Variants in MARCHF5 observed in about 807,000 individuals in gnomAD.
The protein encoded by MARCHF5 is E3 ubiquitin-protein ligase MARCHF5.
A neutral mutation model predicts 36.5 loss-of-function variants in MARCHF5; 5 were observed. The ratio of observed to expected loss-of-function variants is 0.14; its 90% confidence interval spans 0.07 to 0.29. The LOEUF is 0.29. MARCHF5 is among the 10% of genes least tolerant of loss of function. The pLI is 1.00. For missense variants in MARCHF5, 179 were observed against 336.3 expected (o/e 0.53, Z 3.66); for synonymous variants, 103 against 109.9 (o/e 0.94, Z 0.39).
chr10:92,309,381 A>G (rs916647308), intron 1 of MARCHF5, among the ~76,000 whole-genome samples: 3 of 152,180 alleles, frequency 2.0e-5, no homozygotes, highest in East Asian at 1.9e-4. Context: ...AGTTGGTTCA[A>G]CCTAGTCCTA....
intron 2 of MARCHF5, among the ~76,000 whole-genome samples, chr10:92,327,052 C>T (rs373072917): frequency 1.2e-4 from 18 of 152,206 alleles, no homozygotes; most frequent in African/African-American, 4.3e-4. Context: ...TCTCCCTACA[C>T]TTACACAGAA....
chr10:92,305,266 A>T (rs1406230635), intron 1 of MARCHF5, among the ~76,000 whole-genome samples: 1 of 151,916 alleles, frequency 6.6e-6, no homozygotes, highest in Non-Finnish European at 1.5e-5. Context: ...AATTAGCCAG[A>T]CGTGGTGGCA....
intron 2 of MARCHF5, among the ~76,000 whole-genome samples, chr10:92,325,961 G>A (rs1843352970): frequency 6.6e-6 from 1 of 152,212 alleles, no homozygotes; most frequent in Admixed American, 6.5e-5. Flanking sequence ...TTACAGGCAT[G>A]AGCCACCGTG....
Position 92,349,538 on chromosome 10 carries a change from G to A in MARCHF5, c.553+6G>A, listed in dbSNP as rs778172485. The A allele has an allele frequency of 1.2e-6, 2 of 1,611,128 alleles. No individual in the cohort carries two copies. The highest frequency in any genetic ancestry group is 1.7e-5 in the Admixed American group (1 of 59,598). On this transcript the variant is annotated splice_donor_region_variant and intron_variant, in intron 4 of 5. Coordinates refer to ENST00000358935, the MANE Select transcript of MARCHF5 (RefSeq NM_017824.5). ...TTTAAATAGTATATTTCCAGGTAAG[G>A]CACTGAACTGTGGTTGTAAAGTGCA...
At chr10:92,348,159 G>A (rs1283339760) in intron 3 of MARCHF5, among the ~76,000 whole-genome samples, 3 of 148,268 alleles carry the variant, frequency 2.0e-5, no homozygotes, top group Non-Finnish European at 4.4e-5. Flanking sequence ...CTCCAGCCTG[G>A]GCAACAAGAG....
At position 92,315,190 on chromosome 10, in the gene MARCHF5, G is replaced by A. The variant is rs577551824; in HGVS notation, c.238+3853G>A. 1.4e-4 allele frequency among the ~76,000 whole-genome samples: 22 copies of A among 152,258 alleles called. No individual in the cohort carries two copies. The East Asian group carries it at 3.7e-3, about 25-fold the overall frequency. On this transcript the variant is annotated intron_variant, in intron 2 of 5. Coordinates refer to ENST00000358935, the MANE Select transcript of MARCHF5 (RefSeq NM_017824.5). The stretch of plus-strand genomic sequence containing the variant: ...ATTTCTTGATTAACATGTTACATTC[G>A]TATATACTAAGAGTTGATTCGTACT...
chr10:92,315,211 G>A (rs764439410), intron 2 of MARCHF5, among the ~76,000 whole-genome samples: 4 of 152,228 alleles, frequency 2.6e-5, no homozygotes, highest in South Asian at 4.1e-4. Context: ...GAGTTGATTC[G>A]TACTCTGTAC....
chr10:92,301,727 C>T (rs1843014304), intron 1 of MARCHF5, among the ~76,000 whole-genome samples: 1 of 152,206 alleles, frequency 6.6e-6, no homozygotes, highest in African/African-American at 2.4e-5. Flanking sequence ...CTATGCACAT[C>T]CTCCTGTACA....
At chr10:92,330,505 C>G (rs1356469653) in intron 2 of MARCHF5, among the ~76,000 whole-genome samples, 1 of 152,108 alleles carries the variant, frequency 6.6e-6, no homozygotes, top group Non-Finnish European at 1.5e-5. Context: ...TGCTCCTTGT[C>G]CTGGATCTTT....
intron 2 of MARCHF5, among the ~76,000 whole-genome samples, chr10:92,339,588 T>G (rs1251141079): frequency 6.6e-6 from 1 of 152,028 alleles, no homozygotes; most frequent in Non-Finnish European, 1.5e-5. Context: ...GAAAATTGCT[T>G]GAACCCAAGA....
chr10:92,339,501 C>T (rs1305485623), intron 2 of MARCHF5, among the ~76,000 whole-genome samples: 2 of 152,044 alleles, frequency 1.3e-5, no homozygotes, highest in African/African-American at 4.8e-5. Flanking sequence ...GAAACCCCGT[C>T]TCTACTAAAA....
chr10:92,347,972 C>T (rs906615343), intron 3 of MARCHF5, among the ~76,000 whole-genome samples: 1 of 151,924 alleles, frequency 6.6e-6, no homozygotes, highest in Non-Finnish European at 1.5e-5. Flanking sequence ...CACCTGAGGT[C>T]AGGAGTTCGA....
intron 2 of MARCHF5, among the ~76,000 whole-genome samples, chr10:92,315,913 A>G (rs902998248): frequency 2.0e-5 from 3 of 152,200 alleles, no homozygotes; most frequent in Non-Finnish European, 4.4e-5. Context: ...TGTAACAGCA[A>G]TAAAGAACCT....
chr10:92,327,396 A>G (rs1363366011), intron 2 of MARCHF5, among the ~76,000 whole-genome samples: 1 of 151,350 alleles, frequency 6.6e-6, no homozygotes, highest in Non-Finnish European at 1.5e-5. Context: ...GATTACTTAT[A>G]TAATCAGTCT....
chr10:92,309,477 G>A (rs1347587867), intron 1 of MARCHF5, among the ~76,000 whole-genome samples: 1 of 152,150 alleles, frequency 6.6e-6, no homozygotes, highest in African/African-American at 2.4e-5. Context: ...TGCTGATGTA[G>A]CTATTCTTAT....
At chr10:92,301,326 G>T (rs552173756) in intron 1 of MARCHF5, among the ~76,000 whole-genome samples, 3 of 152,170 alleles carry the variant, frequency 2.0e-5, no homozygotes, top group East Asian at 1.9e-4. Flanking sequence ...AATGAAACAC[G>T]TATTTTTTGT....
chr10:92,313,182 C>A lies in MARCHF5; in HGVS notation c.238+1845C>A, dbSNP rs541570862. Among the ~76,000 whole-genome samples the A allele has an allele frequency of 3.9e-5, 6 of 152,164 alleles. No individual in the cohort carries two copies. In the South Asian group the frequency reaches 1.2e-3, roughly 32 times the overall value. ...CCAGGAGGCAAAGGTTGCAGTGAGC[C>A]AAGATCGTGCCACTGCACACAAGCC... is the stretch of plus-strand genomic sequence containing the variant. On this transcript the variant is annotated intron_variant, in intron 2 of 5. Transcript: ENST00000358935.
At chr10:92,330,240 T>C (rs1213461580) in intron 2 of MARCHF5, among the ~76,000 whole-genome samples, 1 of 152,210 alleles carries the variant, frequency 6.6e-6, no homozygotes, top group African/African-American at 2.4e-5. Flanking sequence ...TACTGCTGGA[T>C]CATGTTTGGT....
chr10:92,340,905 C>T (rs1047047760), intron 3 of MARCHF5, 102 bp downstream of exon 3: 5 of 1,051,468 alleles, frequency 4.8e-6, no homozygotes, highest in Non-Finnish European at 6.6e-6. Flanking sequence ...TAAGAAATAA[C>T]ATTCTCATGT....
Sources: gnomAD v4.1 joint callset for allele counts (sites outside exome capture counted in the v4.1 genomes callset) on GRCh38, gnomAD v4.1.1 for gene constraint, MANE v1.5 for transcripts, NCBI Gene and HGNC (gene_info 2026-07-23, HGNC 2026-07-21) for gene names.